Variants in DDHD1 observed in about 807,000 individuals in gnomAD.
The protein encoded by DDHD1 is phospholipase DDHD1.
In DDHD1, 49 loss-of-function variants were observed where a neutral mutation model predicts 96.4. The observed-to-expected ratio is 0.51, with a 90% CI of 0.40 to 0.64. The LOEUF (loss-of-function observed/expected upper bound fraction) is 0.64. Ranked by LOEUF, DDHD1 falls within the 30% of genes least tolerant of loss-of-function variation. The pLI is 0.00. For missense variants in DDHD1, 1,106 were observed against 1,161.2 expected, an observed-to-expected ratio of 0.95 and a Z score of 0.69; for synonymous variants, 442 against 446.5, an observed-to-expected ratio of 0.99 and a Z score of 0.13.
chr14:53,062,516 T>TA (rs1017574010), intron 7 of DDHD1, among the ~76,000 whole-genome samples: 3 of 152,004 alleles, frequency 2.0e-5, no homozygotes, highest in East Asian at 3.8e-4. Context: ...ATATAACATG[T>TA]AAAAAAATAT....
rs151079465 is a variant in DDHD1 at position 53,089,694 on chromosome 14, T to G, written c.1289+2091A>C. ...AAATTAATTACACCTTATACAAAAT[T>G]TAATTCAAGATGGATTAAGGACTTA... is the stretch of plus-strand genomic sequence containing the variant. On this transcript the variant is annotated intron_variant, in intron 4 of 12. Transcript: ENST00000673822. Among the ~76,000 whole-genome samples the G allele has an allele frequency of 2.8e-4, 42 of 152,252 alleles. 1 individual carries two copies. In the East Asian group the frequency reaches 7.9e-3, roughly 29 times the overall value.
At chr14:53,083,281 GA>G (rs1885653866) in intron 4 of DDHD1, among the ~76,000 whole-genome samples, 1 of 152,078 alleles carries the variant, frequency 6.6e-6, no homozygotes, top group Non-Finnish European at 1.5e-5. Flanking sequence ...GTGTTTAACT[GA>G]AAACCTCTTT....
At chr14:53,048,848 G>A (rs2139813406) in intron 12 of DDHD1, 1 of 152,260 alleles carries the variant, frequency 6.6e-6, no homozygotes, top group South Asian at 2.1e-4. Context: ...CAATGAAGAT[G>A]AGTCAAGATG....
chr14:53,061,007 GAATA>G, intron 8 of DDHD1, 115 bp downstream of exon 8: 1 of 959,188 alleles, frequency 1.0e-6, no homozygotes, highest in Non-Finnish European at 1.6e-6. Context: ...AGTATATGTT[GAATA>G]AATATTTATT....
At chr14:53,051,797 G>T in intron 12 of DDHD1, 47 bp downstream of exon 12, 1 of 1,460,074 alleles carries the variant, frequency 6.8e-7, no homozygotes, top group Non-Finnish European at 9.4e-7. Flanking sequence ...ACTCTAAGTA[G>T]ATCATTTTTA....
rs115247328 is a variant in DDHD1, at chr14:53,102,443, T to C, written c.1012+1240A>G. Among the ~76,000 whole-genome samples, 388 of 152,152 alleles carry C rather than the reference T, an allele frequency of 2.6e-3. 2 individuals carry two copies. Among genetic ancestry groups the C allele is most frequent in the African/African-American group, 9.0e-3 (376 of 41,552 alleles). On this transcript the variant is annotated intron_variant, in intron 2 of 12. Transcript: ENST00000673822. ...TATTTGATTCTACCGATTAGGAAAA[T>C]ATATTTAGAATTTCCAGAGTATGGT...
intron 2 of DDHD1, among the ~76,000 whole-genome samples, chr14:53,100,828 G>A (rs1887242197): frequency 2.0e-5 from 3 of 152,140 alleles, no homozygotes; most frequent in Admixed American, 6.5e-5. Context: ...AAAGCCTTAT[G>A]TGAATAATTC....
intron 1 of DDHD1, among the ~76,000 whole-genome samples, chr14:53,131,372 C>G (rs1241688438): frequency 6.6e-6 from 1 of 152,170 alleles, no homozygotes; most frequent in East Asian, 1.9e-4. Flanking sequence ...TTACCCGGCT[C>G]AACGCCAGTA....
intron 1 of DDHD1, among the ~76,000 whole-genome samples, chr14:53,130,296 T>G (rs1057062532): frequency 1.3e-5 from 2 of 152,178 alleles, no homozygotes; most frequent in African/African-American, 4.8e-5. Context: ...AGGTTAATAT[T>G]CCTTTTTCTC....
intron 6 of DDHD1, among the ~76,000 whole-genome samples, chr14:53,068,022 T>C (rs1488422155): frequency 2.6e-5 from 4 of 152,144 alleles, no homozygotes; most frequent in Admixed American, 2.0e-4. Flanking sequence ...TTCTCTTCTA[T>C]AATCATAGTA....
intron 1 of DDHD1, chr14:53,150,045 T>C (rs894873420): frequency 1.3e-5 from 2 of 152,164 alleles, no homozygotes; most frequent in Admixed American, 6.6e-5. Context: ...CCCTTCACAA[T>C]CTCCATCCTG....
At chr14:53,118,686 T>TTGGTGTACCA (rs1325073955) in intron 1 of DDHD1, among the ~76,000 whole-genome samples, 2 of 152,218 alleles carry the variant, frequency 1.3e-5, no homozygotes, top group African/African-American at 4.8e-5. Flanking sequence ...CTATGTTTGA[T>TTGGTGTACCA]TGGTGTACCA....
In DDHD1 at chr14:53,129,410, C is replaced by G. The variant is rs1438856716; in HGVS notation, c.838+22851G>C. 2.0e-5 allele frequency among the ~76,000 whole-genome samples: 3 copies of G among 152,240 alleles called. No individual in the cohort carries two copies. In the East Asian group the frequency reaches 5.8e-4, roughly 29 times the overall value. On this transcript the variant is annotated intron_variant, in intron 1 of 12. Transcript: ENST00000673822. ...CCTTAATTTTGGTTCCTTTCCCTTTCTGGTAGAGACAGAGGAGACGCGTTT... is the reference window on the plus strand; with the variant it reads ...CCTTAATTTTGGTTCCTTTCCCTTTGTGGTAGAGACAGAGGAGACGCGTTT...
chr14:53,052,968 T>G (rs1024279558), intron 11 of DDHD1: 3 of 102,638 alleles, frequency 2.9e-5, no homozygotes, highest in African/African-American at 9.4e-5. Context: ...GAAATTACTA[T>G]GTTAAACAGA....
chr14:53,151,254 G>C (rs1891335253), intron 1 of DDHD1, among the ~76,000 whole-genome samples: 1 of 152,202 alleles, frequency 6.6e-6, no homozygotes, highest in Non-Finnish European at 1.5e-5. Context: ...GGATCTAAAG[G>C]TTGTCACAAT....
At chr14:53,136,435 A>C (rs771404783) in intron 1 of DDHD1, among the ~76,000 whole-genome samples, 20 of 152,334 alleles carry the variant, frequency 1.3e-4, no homozygotes, top group Middle Eastern at 3.4e-3. Flanking sequence ...CAGGAACGCC[A>C]AGACCTAGAA....
chr14:53,058,134 G>A (rs1883226105), intron 9 of DDHD1, among the ~76,000 whole-genome samples: 1 of 149,048 alleles, frequency 6.7e-6, no homozygotes, highest in African/African-American at 2.5e-5. Context: ...ACCACGCCCG[G>A]CTTTTTTCTT....
chr14:53,056,026 A>G (rs1883026121), intron 9 of DDHD1, 114 bp from the exon 10 acceptor site: 1 of 847,840 alleles, frequency 1.2e-6, no homozygotes, highest in African/African-American at 1.7e-5. Context: ...AAGGAATTTA[A>G]TTAAAAAACA....
intron 6 of DDHD1, among the ~76,000 whole-genome samples, chr14:53,072,152 C>T (rs1046007292): frequency 6.6e-6 from 1 of 152,038 alleles, no homozygotes; most frequent in African/African-American, 2.4e-5. Context: ...GAGATTCTCT[C>T]ATCTTCTTGA....
Sources: gnomAD v4.1 joint callset for allele counts (sites outside exome capture counted in the v4.1 genomes callset) on GRCh38, gnomAD v4.1.1 for gene constraint, MANE v1.5 for transcripts, NCBI Gene and HGNC (gene_info 2026-07-23, HGNC 2026-07-21) for gene names.